CTNNA3: variants seen among roughly 807,000 people sequenced by gnomAD.
The protein encoded by CTNNA3 is catenin alpha 3.
A neutral mutation model predicts 95.7 loss-of-function variants in CTNNA3; 76 were observed. The ratio of observed to expected loss-of-function variants is 0.79; its 90% CI spans 0.66 to 0.96. The LOEUF is 0.96. Among genes scored for constraint, CTNNA3 ranks in the 40% least tolerant of loss-of-function variants. The probability of loss-of-function intolerance (pLI) is 0.00; values close to 1 mark genes in which losing one functional copy is unlikely to be tolerated. For synonymous variants in CTNNA3, 431 were observed against 374.4 expected (o/e 1.15, Z -1.74); for missense variants, 1,191 against 1,089.8 (o/e 1.09, Z -1.31).
chr10:66,638,345 A>C (rs747912958), intron 9 of CTNNA3, among the ~76,000 whole-genome samples: 8 of 152,100 alleles, frequency 5.3e-5, no homozygotes, highest in Non-Finnish European at 1.0e-4. Context: ...AGCACATTCT[A>C]TTTAGCCTAT....
intron 7 of CTNNA3, among the ~76,000 whole-genome samples, chr10:66,793,606 T>C (rs1324475806): frequency 1.3e-5 from 2 of 152,180 alleles, no homozygotes; most frequent in Admixed American, 1.3e-4. Flanking sequence ...CACTCTGAAA[T>C]TGATTATTAT....
chr10:66,215,090 T>C (rs367679771), intron 13 of CTNNA3, among the ~76,000 whole-genome samples: 69 of 152,104 alleles, frequency 4.5e-4, no homozygotes, highest in African/African-American at 1.6e-3. Flanking sequence ...TCAGTCCTCA[T>C]TGGAATCTCA....
At chr10:67,158,982 C>A (rs1367342528) in intron 7 of CTNNA3, among the ~76,000 whole-genome samples, 1 of 151,902 alleles carries the variant, frequency 6.6e-6, no homozygotes, top group Non-Finnish European at 1.5e-5. Flanking sequence ...TTAAAAAAAA[C>A]AACAAGGAAG....
intron 9 of CTNNA3, among the ~76,000 whole-genome samples, chr10:66,753,549 C>T (rs1047461299): frequency 6.6e-6 from 1 of 151,816 alleles, no homozygotes. Context: ...GTAATCCCAG[C>T]TACTCGGGAG....
At chr10:66,858,521 T>G (rs1157219872) in intron 7 of CTNNA3, among the ~76,000 whole-genome samples, 1 of 151,984 alleles carries the variant, frequency 6.6e-6, no homozygotes, top group East Asian at 1.9e-4. Flanking sequence ...CGCTGTGAAT[T>G]CATCTGGTCC....
At chr10:66,326,306 C>T (rs2092253615) in intron 12 of CTNNA3, among the ~76,000 whole-genome samples, 1 of 152,032 alleles carries the variant, frequency 6.6e-6, no homozygotes, top group Non-Finnish European at 1.5e-5. Context: ...CTTTATGCAC[C>T]TTCTTCATCT....
intron 7 of CTNNA3, among the ~76,000 whole-genome samples, chr10:66,968,546 G>A (rs1202573031): frequency 6.6e-6 from 1 of 151,846 alleles, no homozygotes; most frequent in Non-Finnish European, 1.5e-5. Flanking sequence ...AGAAGCGATT[G>A]GATTCAGGAG....
At chr10:66,666,265 G>T (rs984696258) in intron 9 of CTNNA3, among the ~76,000 whole-genome samples, 1 of 152,084 alleles carries the variant, frequency 6.6e-6, no homozygotes, top group African/African-American at 2.4e-5. Context: ...TTCATTTGCT[G>T]CCTGGTATTA....
chr10:66,240,523 T>C (rs138004217), intron 13 of CTNNA3, among the ~76,000 whole-genome samples: 121 of 152,204 alleles, frequency 7.9e-4, no homozygotes, highest in African/African-American at 2.9e-3. Flanking sequence ...GCTATAGTAC[T>C]ACAAAATTAA....
At chr10:66,983,741 G>T (rs982571704) in intron 7 of CTNNA3, among the ~76,000 whole-genome samples, 1 of 152,080 alleles carries the variant, frequency 6.6e-6, no homozygotes, top group African/African-American at 2.4e-5. Flanking sequence ...CCATGATACA[G>T]TTTTTAGGAA....
chr10:67,549,563 G>T (rs770156302), intron 3 of CTNNA3, among the ~76,000 whole-genome samples: 2 of 152,146 alleles, frequency 1.3e-5, no homozygotes, highest in African/African-American at 4.8e-5. Flanking sequence ...TTCTTAACAA[G>T]TAAGAGGTCA....
At chr10:67,390,287 AT>A (rs1844406458) in intron 5 of CTNNA3, among the ~76,000 whole-genome samples, 1 of 152,228 alleles carries the variant, frequency 6.6e-6, no homozygotes, top group African/African-American at 2.4e-5. Context: ...CTCTATGCAA[AT>A]AAACTAGAAA....
At chr10:66,615,726 TA>T (rs1844487537) in intron 10 of CTNNA3, among the ~76,000 whole-genome samples, 1 of 151,998 alleles carries the variant, frequency 6.6e-6, no homozygotes, top group Admixed American at 6.6e-5. Flanking sequence ...CTACTTTTGC[TA>T]TAGACCATGA....
intron 12 of CTNNA3, among the ~76,000 whole-genome samples, chr10:66,305,120 A>G (rs930681006): frequency 6.6e-6 from 1 of 152,070 alleles, no homozygotes; most frequent in Admixed American, 6.6e-5. Context: ...CGGCTAGCCA[A>G]GTTAATTTCT....
chr10:67,080,171 A>T (rs1243089035), intron 7 of CTNNA3, among the ~76,000 whole-genome samples: 1 of 152,156 alleles, frequency 6.6e-6, no homozygotes, highest in African/African-American at 2.4e-5. Context: ...TCAAGAAAGA[A>T]AATTATTCCT....
chr10:67,606,743 T>A, intron 3 of CTNNA3, 114 bp downstream of exon 3: 1 of 815,364 alleles, frequency 1.2e-6, no homozygotes, highest in Non-Finnish European at 1.9e-6. Context: ...CTCACAGCTC[T>A]GCAAAAGACT....
chr10:67,583,975 G>T (rs1054835093), intron 3 of CTNNA3, among the ~76,000 whole-genome samples: 1 of 152,018 alleles, frequency 6.6e-6, no homozygotes, highest in Admixed American at 6.6e-5. Flanking sequence ...CTTTTTTCAA[G>T]GTTTTTAGCT....
chr10:65,999,896 GTC>G (rs1210708496), intron 15 of CTNNA3, among the ~76,000 whole-genome samples: 1 of 147,128 alleles, frequency 6.8e-6, no homozygotes, highest in African/African-American at 2.5e-5. Flanking sequence ...GAGGCCAGAA[GTC>G]TTTAATAAAC....
intron 5 of CTNNA3, among the ~76,000 whole-genome samples, chr10:67,465,210 C>T (rs1486303299): frequency 2.0e-5 from 3 of 151,872 alleles, no homozygotes; most frequent in Non-Finnish European, 2.9e-5. Flanking sequence ...TATAAAAGGA[C>T]CCTGTTTTTA....
Sources: allele counts gnomAD v4.1 joint callset (sites outside exome capture counted in the v4.1 genomes callset), GRCh38; gene constraint gnomAD v4.1.1; transcripts MANE v1.5; gene names NCBI Gene and HGNC (gene_info 2026-07-23, HGNC 2026-07-21).